PCDHA5: variants seen among roughly 807,000 people sequenced by gnomAD.
PCDHA5 encodes protocadherin alpha 5, also known as protocadherin alpha-5.
A neutral mutation model predicts 61.6 loss-of-function variants in PCDHA5; 43 were observed. The ratio of observed to expected loss-of-function variants is 0.70; its 90% CI spans 0.55 to 0.90. The LOEUF (loss-of-function observed/expected upper bound fraction) is 0.90, where lower values mean the gene tolerates loss of function less well. Among genes scored for constraint, PCDHA5 ranks in the 40% least tolerant of loss-of-function variants. The pLI, the probability that PCDHA5 is intolerant of heterozygous loss-of-function variation, is 0.00. For missense variants in PCDHA5, 1,298 were observed against 1,222.7 expected (o/e 1.06, Z -0.92); for synonymous variants, 627 against 543.9 (o/e 1.15, Z -2.13).
At chr5:140,949,745 T>C (rs114918785) in intron 1 of PCDHA5, among the ~76,000 whole-genome samples, 49 of 152,020 alleles carry the variant, frequency 3.2e-4, no homozygotes, top group African/African-American at 1.1e-3. Context: ...ACTGAAGTGC[T>C]TAGCCCATTC....
intron 1 of PCDHA5, among the ~76,000 whole-genome samples, chr5:140,903,921 G>C (rs1282440912): frequency 6.6e-6 from 1 of 152,198 alleles, no homozygotes; most frequent in African/African-American, 2.4e-5. Flanking sequence ...CTTCCTTGCT[G>C]CATTGGATAA....
At chr5:140,955,438 A>C (rs975663366) in intron 1 of PCDHA5, among the ~76,000 whole-genome samples, 2 of 151,994 alleles carry the variant, frequency 1.3e-5, no homozygotes, top group African/African-American at 4.8e-5. Context: ...ATTAGGTCTG[A>C]TGGTTTTATA....
At chr5:140,978,726 T>C (rs1453953300) in intron 1 of PCDHA5, among the ~76,000 whole-genome samples, 2 of 152,250 alleles carry the variant, frequency 1.3e-5, no homozygotes, top group African/African-American at 4.8e-5. Flanking sequence ...TTATTAAATC[T>C]GGTCTTCCAG....
intron 1 of PCDHA5, among the ~76,000 whole-genome samples, chr5:140,891,030 T>G (rs1583035754): frequency 6.6e-6 from 1 of 151,856 alleles, no homozygotes; most frequent in Non-Finnish European, 1.5e-5. Context: ...GGGTATAATC[T>G]TAGGTGTGAC....
intron 3 of PCDHA5, among the ~76,000 whole-genome samples, chr5:140,995,186 A>T (rs2097669011): frequency 6.6e-6 from 1 of 152,132 alleles, no homozygotes; most frequent in Non-Finnish European, 1.5e-5. Flanking sequence ...ACCTATGATA[A>T]AGTTTAATTT....
intron 1 of PCDHA5, among the ~76,000 whole-genome samples, chr5:140,917,244 C>T (rs891511496): frequency 1.9e-4 from 29 of 149,864 alleles, no homozygotes; most frequent in Non-Finnish European, 3.0e-4. Flanking sequence ...CTAGGTACTA[C>T]GATTGCTCAC....
At chr5:140,893,987 T>A (rs112405686) in intron 1 of PCDHA5, among the ~76,000 whole-genome samples, 1 of 152,202 alleles carries the variant, frequency 6.6e-6, no homozygotes, top group Non-Finnish European at 1.5e-5. Context: ...TTTTAAAATA[T>A]CTCCAATTGT....
intron 1 of PCDHA5, among the ~76,000 whole-genome samples, chr5:140,953,785 T>C (rs2094935669): frequency 6.6e-6 from 1 of 152,224 alleles, no homozygotes. Context: ...TTTATTTTTT[T>C]CTTCAACTTT....
Position 140,823,895 on chromosome 5 carries a change from C to A in PCDHA5, c.2120C>A (p.Ser707Tyr). Residue 707 changes from serine to tyrosine, a missense_variant, in exon 1 of 4, where the codon TCC becomes TAC. Transcript: ENST00000529859. Reference protein sequence around the residue: ...VYLIIAICAVSSLLVLTLLLY... With the variant: ...VYLIIAICAVYSLLVLTLLLY... Reference sequence around the variant, plus strand: ...CTGATCATCGCCATCTGTGCGGTGTCCAGCCTGCTGGTGCTCACGCTGCTG... The same window carrying A: ...CTGATCATCGCCATCTGTGCGGTGTACAGCCTGCTGGTGCTCACGCTGCTG... 1 of 1,613,974 alleles carries A rather than the reference C, an allele frequency of 6.2e-7. No homozygotes were observed.
At chr5:140,836,729 T>C in intron 1 of PCDHA5, 2 of 1,610,386 alleles carry the variant, frequency 1.2e-6, no homozygotes, top group Non-Finnish European at 1.7e-6. Context: ...GTCCATCCTC[T>C]ACAGACAATG....
intron 1 of PCDHA5, among the ~76,000 whole-genome samples, chr5:140,943,827 A>T (rs1474835023): frequency 2.0e-5 from 3 of 152,208 alleles, no homozygotes; most frequent in Non-Finnish European, 4.4e-5. Flanking sequence ...AAATGAGTTG[A>T]TTGAAGTTGT....
At chr5:140,827,861 G>A in intron 1 of PCDHA5, 2 of 599,246 alleles carry the variant, frequency 3.3e-6, no homozygotes, top group Non-Finnish European at 5.8e-6. Flanking sequence ...AAAATATATG[G>A]TATAGCACTG....
At chr5:140,830,066 C>G (rs1770795719) in intron 1 of PCDHA5, 1 of 1,613,706 alleles carries the variant, frequency 6.2e-7, no homozygotes, top group Non-Finnish European at 8.5e-7. Flanking sequence ...TGAGCCGGCG[C>G]TGACAGCGAC....
In PCDHA5 at chr5:140,900,825, C is replaced by T. The variant is rs568337253; in HGVS notation, c.2352+76698C>T. On this transcript the variant is annotated intron_variant, in intron 1 of 3. Coordinates refer to ENST00000529859, the MANE Select transcript of PCDHA5 (RefSeq NM_018908.3). Reference sequence around the variant, plus strand: ...TGCTTGTACTAATTTACATTCCCACCAACAATGTACAAAGTTTCCCTTTTT... The same window carrying T: ...TGCTTGTACTAATTTACATTCCCACTAACAATGTACAAAGTTTCCCTTTTT... Among the ~76,000 whole-genome samples, 8 of 152,276 alleles carry T rather than the reference C, an allele frequency of 5.3e-5. No homozygotes were observed. The South Asian group carries it at 1.7e-3, about 32-fold the overall frequency.
At chr5:140,856,939 G>T (rs1554149308) in intron 1 of PCDHA5, 2 of 1,593,866 alleles carry the variant, frequency 1.3e-6, no homozygotes, top group Non-Finnish European at 1.7e-6. Flanking sequence ...TAAACGAAAG[G>T]ACGGGAGAAA....
intron 1 of PCDHA5, chr5:140,851,486 C>A (rs2042075619): frequency 1.1e-6 from 1 of 886,576 alleles, no homozygotes; most frequent in Middle Eastern, 5.8e-4. Context: ...ATAAACACAG[C>A]CTTCATTTCA....
chr5:140,918,632 C>A (rs1182828125), intron 1 of PCDHA5, among the ~76,000 whole-genome samples: 1 of 152,164 alleles, frequency 6.6e-6, no homozygotes, highest in Non-Finnish European at 1.5e-5. Flanking sequence ...TCCCCAAATT[C>A]ATAAATTGAA....
At chr5:140,882,960 C>G in intron 1 of PCDHA5, 11 of 1,614,166 alleles carry the variant, frequency 6.8e-6, no homozygotes, top group Non-Finnish European at 5.9e-6. Flanking sequence ...CTGCTCATCA[C>G]GATTCTGGAC....
chr5:140,938,828 G>A (rs570802606), intron 1 of PCDHA5, among the ~76,000 whole-genome samples: 84 of 152,072 alleles, frequency 5.5e-4, no homozygotes, highest in Admixed American at 1.4e-3. Context: ...ATGAGTTTGC[G>A]TTATAACAAA....
Sources: gnomAD v4.1 joint callset for allele counts (sites outside exome capture counted in the v4.1 genomes callset) on GRCh38, gnomAD v4.1.1 for gene constraint, MANE v1.5 for transcripts, NCBI Gene and HGNC (gene_info 2026-07-23, HGNC 2026-07-21) for gene names.